Variants in NAV3 observed in about 807,000 individuals in gnomAD.
NAV3 encodes the protein pore membrane and/or filament interacting like protein 1.
NAV3 carries 87 observed loss-of-function variants against 244.7 expected under a neutral mutation model. The ratio of observed to expected loss-of-function variants is 0.36; its 90% confidence interval spans 0.30 to 0.42. NAV3 has a LOEUF of 0.42. Ranked by LOEUF, NAV3 falls within the 20% of genes least tolerant of loss-of-function variation. The probability of loss-of-function intolerance (pLI) is 1.00; values close to 1 mark genes in which losing one functional copy is unlikely to be tolerated. For synonymous variants in NAV3, 1,126 were observed against 1,042.2 expected (o/e 1.08, Z -1.55); for missense variants, 2,663 against 2,893.3 (o/e 0.92, Z 1.83).
intron 1 of NAV3, among the ~76,000 whole-genome samples, chr12:77,907,154 A>G (rs1565909813): frequency 6.6e-6 from 1 of 152,178 alleles, no homozygotes; most frequent in Non-Finnish European, 1.5e-5. Context: ...TACTCAATAA[A>G]CAAAGGTAAA....
At chr12:77,623,633 C>G (rs1871481830) in intron 2 of NAV3, among the ~76,000 whole-genome samples, 1 of 152,170 alleles carries the variant, frequency 6.6e-6, no homozygotes, top group East Asian at 1.9e-4. Flanking sequence ...TTGGGTCTAG[C>G]CTGTTCTCTG....
chr12:78,024,290 A>C (rs866484060), intron 9 of NAV3, among the ~76,000 whole-genome samples: 3 of 152,196 alleles, frequency 2.0e-5, no homozygotes, highest in Non-Finnish European at 2.9e-5. Context: ...CACCTATTCT[A>C]TACCAACAAT....
chr12:77,873,679 GTATATATATA>G (rs200152687), intron 1 of NAV3, among the ~76,000 whole-genome samples: 8 of 107,292 alleles, frequency 7.5e-5, no homozygotes, highest in East Asian at 5.6e-4. Context: ...ATTTGTATGT[GTATATATATA>G]TATATATATA....
chr12:77,587,207 G>A (rs1869657217), intron 2 of NAV3, among the ~76,000 whole-genome samples: 1 of 152,030 alleles, frequency 6.6e-6, no homozygotes, highest in African/African-American at 2.4e-5. Flanking sequence ...CTAATGTGCA[G>A]ACTTTCCAAA....
At position 77,951,831 on chromosome 12, in the gene NAV3, A is replaced by T. The variant is rs556842424; in HGVS notation, c.414+10698A>T. On this transcript the variant is annotated intron_variant, in intron 3 of 39. Coordinates refer to ENST00000397909, the MANE Select transcript of NAV3 (RefSeq NM_001024383.2). ...AACTATCTCAAGGACAAAAAACCAA[A>T]TTCTGCATATTCTCACTCACAGGTG... Among the ~76,000 whole-genome samples the T allele has an allele frequency of 1.6e-4, 24 of 152,222 alleles. 1 individual carries two copies. The Middle Eastern group carries it at 0.014, about 86-fold the overall frequency.
At chr12:77,626,909 G>A (rs1205477559) in intron 2 of NAV3, among the ~76,000 whole-genome samples, 1 of 152,080 alleles carries the variant, frequency 6.6e-6, no homozygotes, top group East Asian at 1.9e-4. Flanking sequence ...AAATGAAAGA[G>A]AAGGGAGTCA....
At chr12:77,918,591 G>A (rs758539039) in intron 1 of NAV3, among the ~76,000 whole-genome samples, 1 of 151,904 alleles carries the variant, frequency 6.6e-6, no homozygotes, top group South Asian at 2.1e-4. Context: ...GCTGCTCTAC[G>A]GGCTTACTCA....
intron 2 of NAV3, among the ~76,000 whole-genome samples, chr12:77,770,639 C>T (rs1870030496): frequency 1.3e-5 from 2 of 152,148 alleles, no homozygotes; most frequent in Admixed American, 6.5e-5. Context: ...TAGAGCTTAT[C>T]CAGCTGTTCC....
At chr12:77,815,597 A>G (rs888691569) in intron 2 of NAV3, among the ~76,000 whole-genome samples, 1 of 152,196 alleles carries the variant, frequency 6.6e-6, no homozygotes, top group Non-Finnish European at 1.5e-5. Context: ...ATCATCTCCA[A>G]TAAGTTGAAG....
At chr12:77,641,275 G>A (rs1015186254) in intron 2 of NAV3, among the ~76,000 whole-genome samples, 1 of 152,006 alleles carries the variant, frequency 6.6e-6, no homozygotes. Context: ...TGTTGGTGGG[G>A]AGAAGGAGAC....
At chr12:78,042,392 G>A (rs1229016134) in intron 9 of NAV3, among the ~76,000 whole-genome samples, 2 of 152,148 alleles carry the variant, frequency 1.3e-5, no homozygotes, top group South Asian at 2.1e-4. Context: ...TAGTATCATT[G>A]GTAGAACTGT....
In NAV3 at chr12:78,119,942, G is replaced by A. The variant is rs781607195; in HGVS notation, c.3746G>A (p.Arg1249Gln). Residue 1249 changes from arginine (R) to glutamine (Q), a missense_variant, in exon 15 of 40, where the codon CGA (arginine) becomes CAA (glutamine). Coordinates refer to ENST00000397909, the MANE Select transcript of NAV3 (RefSeq NM_001024383.2). ...CCAGATATTGCCTCACCCACATTTCGAAGGTAAGGATGTATAAAATGATGC... is the reference window on the plus strand; with the variant it reads ...CCAGATATTGCCTCACCCACATTTCAAAGGTAAGGATGTATAAAATGATGC... ...KYPDIASPTF[R>Q]RLFGAKAGGK... is the part of the protein sequence containing the mutation. The A allele has an allele frequency of 3.7e-6, 6 of 1,609,024 alleles. No homozygotes were observed. Among genetic ancestry groups the A allele is most frequent in the Non-Finnish European group, 5.1e-6 (6 of 1,177,000 alleles).
chr12:77,712,735 T>G (rs143645993), intron 2 of NAV3, among the ~76,000 whole-genome samples: 9 of 152,344 alleles, frequency 5.9e-5, no homozygotes, highest in Admixed American at 5.9e-4. Flanking sequence ...ACAAATTCAC[T>G]TCTCTCAGAG....
At chr12:77,745,694 G>A (rs1055547231) in intron 2 of NAV3, among the ~76,000 whole-genome samples, 3 of 152,014 alleles carry the variant, frequency 2.0e-5, no homozygotes, top group African/African-American at 4.8e-5. Flanking sequence ...GGTGAAGAAT[G>A]CAATAAGGAG....
chr12:77,647,811 A>G (rs190368379), intron 2 of NAV3, among the ~76,000 whole-genome samples: 1 of 152,228 alleles, frequency 6.6e-6, no homozygotes. Flanking sequence ...AAAGCCTGCC[A>G]CTCAGGAAAT....
intron 1 of NAV3, among the ~76,000 whole-genome samples, chr12:77,938,630 A>G (rs891761632): frequency 6.6e-6 from 1 of 152,172 alleles, no homozygotes; most frequent in Non-Finnish European, 1.5e-5. Flanking sequence ...TAGACCCAAG[A>G]TTCATTCAAA....
chr12:78,153,951 C>T (rs1161769066), intron 22 of NAV3, among the ~76,000 whole-genome samples: 1 of 150,544 alleles, frequency 6.6e-6, no homozygotes, highest in Non-Finnish European at 1.5e-5. Flanking sequence ...CAGAATCATT[C>T]TTGGTTCAAC....
In NAV3 at chr12:77,791,740, T is replaced by TA. The variant is rs201031522; in HGVS notation, c.73-148574dup. Among the ~76,000 whole-genome samples, 699 of 152,298 alleles carry TA rather than the reference T, an allele frequency of 4.6e-3. 5 individuals are homozygous for TA. The highest frequency in any genetic ancestry group is 0.015 in the African/African-American group (644 of 41,578). On this transcript the variant is annotated intron_variant, in intron 2 of 8. Transcript: ENST00000550042. ...ATTCGTAGATTCAAACAATCATGGA[T>TA]AAAAATATAGTTACGCCTATGATGG...
intron 1 of NAV3, among the ~76,000 whole-genome samples, chr12:77,876,555 T>A (rs763754786): frequency 6.6e-6 from 1 of 152,222 alleles, no homozygotes; most frequent in East Asian, 1.9e-4. Flanking sequence ...CTAAGTATGA[T>A]GAATTGTATT....
Sources: allele counts gnomAD v4.1 joint callset (sites outside exome capture counted in the v4.1 genomes callset), GRCh38; gene constraint gnomAD v4.1.1; transcripts MANE v1.5; gene names NCBI Gene and HGNC (gene_info 2026-07-23, HGNC 2026-07-21).